The following CSNK1A1 variants were observed in gnomAD, a reference collection of about 807,000 sequenced individuals.
CSNK1A1 encodes casein kinase 1 alpha 1, also known as casein kinase I isoform alpha.
Under a neutral mutation model 46.1 loss-of-function variants are expected in CSNK1A1, and 7 were observed. The ratio of observed to expected loss-of-function variants is 0.15; its 90% CI spans 0.09 to 0.29. The LOEUF (loss-of-function observed/expected upper bound fraction) is 0.29, where lower values mean the gene tolerates loss of function less well. CSNK1A1 is among the 10% of genes least tolerant of loss of function. CSNK1A1 has a pLI of 1.00. For synonymous variants in CSNK1A1, 137 were observed against 141.5 expected, an observed-to-expected ratio of 0.97 and a Z score of 0.23; for missense variants, 96 against 417.1, an observed-to-expected ratio of 0.23 and a Z score of 6.71.
At chr5:149,544,230 G>A (rs1164243994) in intron 2 of CSNK1A1, among the ~76,000 whole-genome samples, 1 of 152,080 alleles carries the variant, frequency 6.6e-6, no homozygotes, top group African/African-American at 2.4e-5. Flanking sequence ...CTTTTTTTAT[G>A]TTCTAAATGA....
chr5:149,529,363 C>T (rs1442135004), intron 2 of CSNK1A1, among the ~76,000 whole-genome samples: 1 of 152,174 alleles, frequency 6.6e-6, no homozygotes, highest in East Asian at 1.9e-4. Flanking sequence ...CTCTTATGTC[C>T]TTTCCTCTAA....
chr5:149,496,795 G>A lies in CSNK1A1; in HGVS notation c.*58C>T, dbSNP rs941398630. On this transcript the variant is annotated 3_prime_UTR_variant, in exon 10 of 10. Transcript: ENST00000377843. ...TATGAACTAAAATTTCTAGATTTGG[G>A]GAGAAACAAATGCTGCTCCGATCAT... 6.5e-7 allele frequency: 1 copy of A among 1,543,220 alleles called. No homozygotes were observed. Among genetic ancestry groups the A allele is most frequent in the Non-Finnish European group, 8.7e-7 (1 of 1,146,742 alleles).
Position 149,544,851 on chromosome 5 carries a change from T to C in CSNK1A1, c.230+5224A>G, listed in dbSNP as rs987101688. Among the ~76,000 whole-genome samples the C allele has an allele frequency of 4.7e-5, 7 of 149,556 alleles. No homozygotes were observed. The South Asian group carries it at 1.1e-3, about 23-fold the overall frequency. Reference sequence around the variant, plus strand: ...AGCTTTTGGGGAGTCAAGTTATACTTGGGGCCAGGTGCAGTGGTCCATGCC... The same window carrying C: ...AGCTTTTGGGGAGTCAAGTTATACTCGGGGCCAGGTGCAGTGGTCCATGCC... On this transcript the variant is annotated intron_variant, in intron 2 of 9. Coordinates refer to ENST00000377843, the MANE Select transcript of CSNK1A1 (RefSeq NM_001892.6).
intron 3 of CSNK1A1, among the ~76,000 whole-genome samples, chr5:149,524,574 A>G (rs1248888584): frequency 3.3e-5 from 5 of 152,154 alleles, no homozygotes; most frequent in Non-Finnish European, 7.4e-5. Context: ...TTGAGAATCC[A>G]TTACTCCAAG....
chr5:149,528,076 C>CA (rs1477597451), intron 2 of CSNK1A1, among the ~76,000 whole-genome samples: 1 of 152,144 alleles, frequency 6.6e-6, no homozygotes, highest in Admixed American at 6.5e-5. Flanking sequence ...AAGCCTCTAA[C>CA]AAAATCACCT....
intron 9 of CSNK1A1, 79 bp from the exon 10 acceptor site, chr5:149,496,939 G>T: frequency 6.6e-7 from 1 of 1,518,704 alleles, no homozygotes. Context: ...ATGGAAATTG[G>T]GTGGAACTGA....
Position 149,542,182 on chromosome 5 carries a change from C to A in CSNK1A1, c.230+7893G>T, listed in dbSNP as rs1048751262. 5.9e-5 allele frequency among the ~76,000 whole-genome samples: 9 copies of A among 151,916 alleles called. No individual in the cohort carries two copies. In the East Asian group the frequency reaches 1.6e-3, roughly 26 times the overall value. ...GATTCTCATAGGAACGCAAACCCTG[C>A]TGTGAACTGCACATCAGAGGGATCT... On this transcript the variant is annotated intron_variant, in intron 2 of 9. Coordinates refer to ENST00000377843, the MANE Select transcript of CSNK1A1 (RefSeq NM_001892.6).
chr5:149,548,574 A>T (rs1455039114), intron 2 of CSNK1A1, among the ~76,000 whole-genome samples: 6 of 142,228 alleles, frequency 4.2e-5, no homozygotes, highest in Admixed American at 2.1e-4. Flanking sequence ...TTCAAAAGAA[A>T]AAAAAGCCGG....
intron 9 of CSNK1A1, among the ~76,000 whole-genome samples, chr5:149,500,347 C>A (rs1048270965): frequency 6.6e-6 from 1 of 152,036 alleles, no homozygotes; most frequent in African/African-American, 2.4e-5. Flanking sequence ...CCATGTTAGC[C>A]AAGATGGTCT....
chr5:149,551,228 G>A lies in CSNK1A1; in HGVS notation c.-264C>T. ...CTGGGCCACTTGTTTCTCGGCGGCC[G>A]CCGCTGCCTCGCTTGCGCGGCGACG... On this transcript the variant is annotated 5_prime_UTR_variant, in exon 1 of 10. Transcript: ENST00000377843. 3.0e-6 allele frequency: 1 copy of A among 334,840 alleles called. No homozygotes were observed. Among genetic ancestry groups the A allele is most frequent in the Non-Finnish European group, 5.5e-6 (1 of 180,398 alleles). 20.7% of individuals were successfully genotyped at this position (334,840 alleles called of 1,614,324 possible). A position where few individuals can be genotyped will look rare whatever the true frequency, so the allele number is the denominator to read the frequency against.
chr5:149,513,625 C>T (rs1441749611), intron 4 of CSNK1A1, among the ~76,000 whole-genome samples: 4 of 152,148 alleles, frequency 2.6e-5, no homozygotes, highest in East Asian at 3.8e-4. Flanking sequence ...AATGGCCGAG[C>T]GCGGTAGCTC....
intron 9 of CSNK1A1, among the ~76,000 whole-genome samples, chr5:149,500,853 CTAAAAGAGTATT>C (rs1332815110): frequency 6.7e-6 from 1 of 149,764 alleles, no homozygotes; most frequent in Non-Finnish European, 1.5e-5. Context: ...CCTATAGAAA[CTAAAAGAGTATT>C]TAAAGTTGGG....
At chr5:149,547,847 G>C (rs1762527031) in intron 2 of CSNK1A1, among the ~76,000 whole-genome samples, 1 of 151,478 alleles carries the variant, frequency 6.6e-6, no homozygotes, top group African/African-American at 2.4e-5. Context: ...AATCAGCATT[G>C]GAACTTTGTT....
At chr5:149,535,355 T>C (rs1472696293) in intron 2 of CSNK1A1, among the ~76,000 whole-genome samples, 1 of 152,192 alleles carries the variant, frequency 6.6e-6, no homozygotes, top group Non-Finnish European at 1.5e-5. Context: ...TATTTGCTGC[T>C]AACTTTACTA....
rs974765143 is a variant in CSNK1A1 at position 149,551,247 on chromosome 5, G to T, written c.-283C>A. The T allele has an allele frequency of 3.2e-6, 1 of 308,796 alleles. No individual in the cohort carries two copies. Among genetic ancestry groups the T allele is most frequent in the Non-Finnish European group, 6.1e-6 (1 of 163,644 alleles). 19.1% of individuals were successfully genotyped at this position (308,796 alleles called of 1,614,324 possible). A position where few individuals can be genotyped will look rare whatever the true frequency, so the allele number is the denominator to read the frequency against. On this transcript the variant is annotated 5_prime_UTR_variant, in exon 1 of 10. Transcript: ENST00000377843. ...GCGGCCGCCGCTGCCTCGCTTGCGCGGCGACGTCGCGGGCTGGAAAAGGGG... is the reference window on the plus strand; with the variant it reads ...GCGGCCGCCGCTGCCTCGCTTGCGCTGCGACGTCGCGGGCTGGAAAAGGGG...
rs557108657 is a variant in CSNK1A1 at position 149,495,590 on chromosome 5, C to A, written c.*1263G>T. On this transcript the variant is annotated 3_prime_UTR_variant, in exon 10 of 10. Transcript: ENST00000377843. ...AAGGGTGAAAGTCAACTGCTTATAG[C>A]CATTTCAAAAGTATTTTAAAGAAAA... 1.3e-5 allele frequency: 2 copies of A among 152,160 alleles called. No homozygotes were observed. Among genetic ancestry groups the A allele is most frequent in the Admixed American group, 1.3e-4 (2 of 15,270 alleles). The allele number at this position is 152,160 out of a possible 1,614,324, so 9.4% of individuals were successfully genotyped here.
intron 3 of CSNK1A1, 75 bp downstream of exon 3, chr5:149,524,970 C>T: frequency 1.5e-6 from 2 of 1,352,462 alleles, no homozygotes; most frequent in South Asian, 1.6e-5. Context: ...GATTTTAATA[C>T]TCTGATTTAT....
intron 4 of CSNK1A1, among the ~76,000 whole-genome samples, chr5:149,514,867 T>C (rs1261955989): frequency 1.3e-5 from 2 of 152,176 alleles, no homozygotes; most frequent in African/African-American, 4.8e-5. Flanking sequence ...TATTAGTAAA[T>C]GTTAACTGGA....
intron 2 of CSNK1A1, among the ~76,000 whole-genome samples, chr5:149,547,477 AC>A (rs1762518421): frequency 6.6e-6 from 1 of 152,250 alleles, no homozygotes; most frequent in African/African-American, 2.4e-5. Context: ...GATTTCAAAT[AC>A]ATTAAATTTA....
Sources: gnomAD v4.1 joint callset for allele counts (sites outside exome capture counted in the v4.1 genomes callset) on GRCh38, gnomAD v4.1.1 for gene constraint, MANE v1.5 for transcripts, NCBI Gene and HGNC (gene_info 2026-07-23, HGNC 2026-07-21) for gene names.